The following OPA1 variants were observed in gnomAD, a reference collection of about 807,000 sequenced individuals.
OPA1 encodes the protein dynamin-like GTPase OPA1, mitochondrial.
Under a neutral mutation model 152.9 loss-of-function variants are expected in OPA1, and 59 were observed. That is an observed-to-expected ratio of 0.39 (90% CI 0.31 to 0.48). The LOEUF is 0.48. OPA1 is among the 20% of genes least tolerant of loss of function. OPA1 has a pLI of 0.96. For synonymous variants in OPA1, 400 were observed against 389.9 expected (o/e 1.03, Z -0.31); for missense variants, 1,008 against 1,216.8 (o/e 0.83, Z 2.55).
chr3:193,660,306 CTCATTCCTTGT>C (rs1314354013), intron 25 of OPA1, among the ~76,000 whole-genome samples: 1 of 152,138 alleles, frequency 6.6e-6, no homozygotes, highest in African/African-American at 2.4e-5. Flanking sequence ...ATACCACTGT[CTCATTCCTTGT>C]TCATTCCTTA....
chr3:193,616,476 A>G (rs1729027964), intron 3 of OPA1, among the ~76,000 whole-genome samples: 1 of 152,172 alleles, frequency 6.6e-6, no homozygotes, highest in South Asian at 2.1e-4. Flanking sequence ...TAGCCTTTCT[A>G]TTAATAATAT....
At chr3:193,606,218 A>AT (rs768111766) in intron 1 of OPA1, among the ~76,000 whole-genome samples, 62 of 151,990 alleles carry the variant, frequency 4.1e-4, no homozygotes, top group Non-Finnish European at 7.2e-4. Flanking sequence ...TCTTGATTTG[A>AT]TTTTTTTAAT....
At chr3:193,687,550 T>C (rs942724438) in intron 29 of OPA1, among the ~76,000 whole-genome samples, 2 of 152,250 alleles carry the variant, frequency 1.3e-5, no homozygotes, top group African/African-American at 4.8e-5. Flanking sequence ...CATACACGTA[T>C]TTCTGAGAGA....
intron 25 of OPA1, among the ~76,000 whole-genome samples, chr3:193,662,116 A>G (rs1012298403): frequency 3.3e-5 from 5 of 152,178 alleles, no homozygotes; most frequent in Admixed American, 1.3e-4. Context: ...ATCATATACA[A>G]TTTTGAGTGG....
At chr3:193,671,903 A>G (rs366284) in intron 29 of OPA1, among the ~76,000 whole-genome samples, 101,141 of 152,094 alleles carry the variant, frequency 0.66, 34,083 homozygotes, top group African/African-American at 0.75. Context: ...ATTTAATAGG[A>G]TATGCAGCTG....
At chr3:193,654,769 C>A in intron 21 of OPA1, 93 bp from the exon 22 acceptor site, 1 of 1,296,480 alleles carries the variant, frequency 7.7e-7, no homozygotes, top group South Asian at 1.3e-5. Flanking sequence ...TAAATATGTA[C>A]AGTTTATTAT....
intron 29 of OPA1, among the ~76,000 whole-genome samples, chr3:193,687,263 A>C (rs1721051075): frequency 6.6e-6 from 1 of 152,224 alleles, no homozygotes; most frequent in South Asian, 2.1e-4. Context: ...TGAGTTGGGG[A>C]TTATGGGAAT....
intron 11 of OPA1, among the ~76,000 whole-genome samples, chr3:193,642,350 T>C (rs1304596417): frequency 6.6e-6 from 1 of 152,198 alleles, no homozygotes; most frequent in East Asian, 1.9e-4. Context: ...GTTCACTCTC[T>C]ATAGAGGTTG....
At chr3:193,598,093 A>G (rs1725893251) in intron 1 of OPA1, among the ~76,000 whole-genome samples, 1 of 152,218 alleles carries the variant, frequency 6.6e-6, no homozygotes, top group Non-Finnish European at 1.5e-5. Context: ...AAATAAATAA[A>G]TACCCTGTCT....
intron 3 of OPA1, among the ~76,000 whole-genome samples, chr3:193,616,711 A>G (rs1460875974): frequency 6.6e-6 from 1 of 152,222 alleles, no homozygotes; most frequent in East Asian, 1.9e-4. Flanking sequence ...CCAGTAATTC[A>G]TGGTGATCTT....
chr3:193,622,311 C>T (rs528108498), intron 6 of OPA1, among the ~76,000 whole-genome samples: 32 of 147,868 alleles, frequency 2.2e-4, no homozygotes, highest in Non-Finnish European at 3.3e-4. Flanking sequence ...CCACTGCAAC[C>T]TCTGCCTCCC....
intron 29 of OPA1, 84 bp from the exon 30 acceptor site, chr3:193,691,979 A>T: frequency 1.2e-6 from 1 of 813,862 alleles, no homozygotes; most frequent in Non-Finnish European, 2.1e-6. Flanking sequence ...ATAGTTAAGT[A>T]TACCAACCAT....
Position 193,645,760 on chromosome 3 carries a change from G to C in OPA1, c.1714G>C (p.Glu572Gln), listed in dbSNP as rs748215343. The change falls in exon 18 of 31, where the codon GAA becomes CAA. Residue 572 changes from glutamate (E) to glutamine (Q), a missense_variant. By Grantham distance (29) the Glu-to-Gln change is conservative (BLOSUM62 2). Coordinates refer to ENST00000361510, the MANE Select transcript of OPA1 (RefSeq NM_130837.3). ...CTCTGAAAGCATTGAAGCTATAAGA[G>C]AATATGAAGAAGAGTTTTTTCAGAA... ...NSSESIEAIR[E>Q]YEEEFFQNSK... The C allele has an allele frequency of 2.5e-6, 4 of 1,613,620 alleles. No homozygotes were observed. Among genetic ancestry groups the C allele is most frequent in the Non-Finnish European group, 3.4e-6 (4 of 1,179,724 alleles).
chr3:193,677,291 C>A (rs1488546027), intron 29 of OPA1, among the ~76,000 whole-genome samples: 1 of 125,450 alleles, frequency 8.0e-6, no homozygotes, highest in South Asian at 2.5e-4. Flanking sequence ...TCTTTTACTT[C>A]TTTTTTTTTT....
intron 22 of OPA1, 144 bp downstream of exon 22, chr3:193,655,171 T>C (rs1713493382): frequency 2.6e-6 from 2 of 762,188 alleles, no homozygotes; most frequent in Non-Finnish European, 2.1e-6. Flanking sequence ...TCATCTCTGT[T>C]TTGGGACTAA....
chr3:193,689,139 A>G (rs186188260), intron 29 of OPA1: 57 of 152,308 alleles, frequency 3.7e-4, no homozygotes, highest in African/African-American at 1.3e-3. Flanking sequence ...TAGATACATC[A>G]TAGCAGAGTA....
chr3:193,646,076 C>T (rs112504328), intron 18 of OPA1, among the ~76,000 whole-genome samples: 3,847 of 151,720 alleles, frequency 0.025, 52 homozygotes, highest in Non-Finnish European at 0.03. Context: ...CTTTATTTTA[C>T]TTATAAAGTG....
chr3:193,682,933 C>T (rs1284370534), intron 29 of OPA1, among the ~76,000 whole-genome samples: 2 of 151,848 alleles, frequency 1.3e-5, no homozygotes, highest in Admixed American at 6.5e-5. Context: ...TTTAAAAATA[C>T]GTGTCTTAAG....
At chr3:193,620,392 CAG>C (rs1214014451) in intron 6 of OPA1, among the ~76,000 whole-genome samples, 1 of 152,102 alleles carries the variant, frequency 6.6e-6, no homozygotes, top group Non-Finnish European at 1.5e-5. Flanking sequence ...AGTAATTGAA[CAG>C]AAGCTCTGCA....
Sources: gnomAD v4.1 joint callset for allele counts (sites outside exome capture counted in the v4.1 genomes callset) on GRCh38, gnomAD v4.1.1 for gene constraint, MANE v1.5 for transcripts, NCBI Gene and HGNC (gene_info 2026-07-23, HGNC 2026-07-21) for gene names.